Variants in PADI3 observed in about 807,000 individuals in gnomAD.
The protein encoded by PADI3 is peptidyl arginine deiminase 3, also known as protein-arginine deiminase type-3.
Under a neutral mutation model 71.5 loss-of-function variants are expected in PADI3, and 53 were observed. That is an observed-to-expected ratio of 0.74 (90% CI 0.59 to 0.93). The LOEUF (loss-of-function observed/expected upper bound fraction) is 0.93. PADI3 is among the 40% of genes least tolerant of loss of function. The pLI, the probability that PADI3 is intolerant of heterozygous loss-of-function variation, is 0.00. For missense variants in PADI3, 821 were observed against 868.0 expected (o/e 0.95, Z 0.68); for synonymous variants, 361 against 347.5 (o/e 1.04, Z -0.43).
chr1:17,252,639 A>G (rs897036599), intron 1 of PADI3, among the ~76,000 whole-genome samples: 1 of 152,068 alleles, frequency 6.6e-6, no homozygotes, highest in African/African-American at 2.4e-5. Context: ...CCTGGGCTCA[A>G]GTGATCTGCC....
intron 7 of PADI3, 72 bp downstream of exon 7, chr1:17,270,483 T>TAAA: frequency 2.6e-6 from 3 of 1,166,158 alleles, no homozygotes; most frequent in Non-Finnish European, 2.3e-6. Context: ...ACCCCATCTC[T>TAAA]ACAAAAAAAA....
chr1:17,270,843 G>A lies in PADI3; in HGVS notation c.832-36G>A, dbSNP rs2073237777. 6 of 1,509,674 alleles carry A rather than the reference G, an allele frequency of 4.0e-6. No homozygotes were observed. The African/African-American group carries it at 5.5e-5, about 14-fold the overall frequency. 93.5% of individuals were successfully genotyped at this position (1,509,674 alleles called of 1,614,324 possible). ...GTCCCCCCAGGCCTCTGGACTCCAA[G>A]TCCAGTGCTCTTTCTCCCCTGGTCT... On this transcript the variant is annotated intron_variant, in intron 7 of 15. Transcript: ENST00000375460.
rs748764264 is a variant in PADI3, at chr1:17,265,748, G to A, written c.408+28G>A. The A allele has an allele frequency of 7.5e-6, 12 of 1,602,674 alleles. No individual in the cohort carries two copies. The East Asian group carries it at 2.5e-4, about 33-fold the overall frequency. On this transcript the variant is annotated intron_variant, in intron 4 of 15. Transcript: ENST00000375460. ...AAGCATCTCTGCCTGGGCCCAGGAAGCAGGAGTGCAGTTGGAGCTTGCTCT... is the reference window on the plus strand; with the variant it reads ...AAGCATCTCTGCCTGGGCCCAGGAAACAGGAGTGCAGTTGGAGCTTGCTCT...
At chr1:17,251,452 C>T (rs558144206) in intron 1 of PADI3, among the ~76,000 whole-genome samples, 1 of 152,318 alleles carries the variant, frequency 6.6e-6, no homozygotes, top group African/African-American at 2.4e-5. Flanking sequence ...TGTTTCCTCA[C>T]CTGTTGCCTG....
intron 11 of PADI3, 53 bp downstream of exon 11, chr1:17,274,839 G>A: frequency 6.3e-7 from 1 of 1,576,328 alleles, no homozygotes; most frequent in Non-Finnish European, 8.7e-7. Context: ...AGGGTTGGGG[G>A]TGGTGATGAT....
At position 17,273,416 on chromosome 1, in the gene PADI3, A is replaced by C; in HGVS notation, c.1124A>C (p.Glu375Ala). 6.2e-7 allele frequency: 1 copy of C among 1,613,550 alleles called. No homozygotes were observed. Among genetic ancestry groups the C allele is most frequent in the Non-Finnish European group, 8.5e-7 (1 of 1,179,728 alleles). The stretch of plus-strand genomic sequence containing the variant: ...GTCTTTGACTCCCCAAGGAATGGGG[A>C]ACTGCAGGATTTCCCTTACAAAAGA... Reference protein sequence around the residue: ...PVVFDSPRNGELQDFPYKRIL... With the variant: ...PVVFDSPRNGALQDFPYKRIL... Residue 375 changes from glutamate (E) to alanine (A), a missense_variant, in exon 10 of 16, where the codon GAA becomes GCA. Transcript: ENST00000375460.
At chr1:17,281,363 TC>T (rs1409011848) in intron 15 of PADI3, among the ~76,000 whole-genome samples, 1 of 152,224 alleles carries the variant, frequency 6.6e-6, no homozygotes, top group Non-Finnish European at 1.5e-5. Flanking sequence ...GAACTGGAGA[TC>T]CAGGAAGTCT....
intron 11 of PADI3, 23 bp downstream of exon 11, chr1:17,274,809 A>G: frequency 6.2e-7 from 1 of 1,609,636 alleles, no homozygotes; most frequent in Non-Finnish European, 8.5e-7. Flanking sequence ...CAGGGAATGG[A>G]GTTCCTGGGG....
chr1:17,254,327 T>A (rs2073001239), intron 1 of PADI3, among the ~76,000 whole-genome samples: 1 of 152,200 alleles, frequency 6.6e-6, no homozygotes, highest in Non-Finnish European at 1.5e-5. Flanking sequence ...GGTCATCTTG[T>A]CAACCTTTCG....
chr1:17,249,100 T>C lies in PADI3; in HGVS notation c.-38T>C, dbSNP rs371179046. ...TCATCCTAAGGGGCCTCAGGGGCAG[T>C]GTTGGGGTTGGCGGCCACAGCTAAG... On this transcript the variant is annotated 5_prime_UTR_variant, in exon 1 of 16. Coordinates refer to ENST00000375460, the MANE Select transcript of PADI3 (RefSeq NM_016233.2). 7.0e-5 allele frequency: 109 copies of C among 1,561,228 alleles called. No homozygotes were observed. In the East Asian group the frequency reaches 8.1e-4, roughly 12 times the overall value.
intron 9 of PADI3, among the ~76,000 whole-genome samples, chr1:17,271,770 T>G: frequency 6.9e-6 from 1 of 144,966 alleles, no homozygotes; most frequent in Non-Finnish European, 1.5e-5. Context: ...ATCACCTGAG[T>G]TTAGGAAGGT....
chr1:17,280,279 T>G (rs1272923262), intron 13 of PADI3, 71 bp from the exon 14 acceptor site: 14 of 1,228,536 alleles, frequency 1.1e-5, no homozygotes, highest in Non-Finnish European at 1.7e-5. Context: ...CCTGCCTGTC[T>G]GCTTCCCTAA....
At chr1:17,255,341 T>C (rs2073014549) in intron 1 of PADI3, among the ~76,000 whole-genome samples, 1 of 152,176 alleles carries the variant, frequency 6.6e-6, no homozygotes, top group Admixed American at 6.5e-5. Flanking sequence ...AGCAGTTGAG[T>C]TCTCCGGCTG....
chr1:17,261,113 T>C (rs541971565), intron 2 of PADI3, among the ~76,000 whole-genome samples: 1 of 152,296 alleles, frequency 6.6e-6, no homozygotes, highest in African/African-American at 2.4e-5. Flanking sequence ...GAGTGGCCCC[T>C]GCAAGATCCT....
At chr1:17,267,139 C>T (rs116696181) in intron 5 of PADI3, among the ~76,000 whole-genome samples, 4 of 152,134 alleles carry the variant, frequency 2.6e-5, no homozygotes, top group African/African-American at 7.2e-5. Flanking sequence ...GTGTGCCAGG[C>T]CTTTTCCCCA....
chr1:17,269,113 G>A (rs1309626753), intron 6 of PADI3, among the ~76,000 whole-genome samples: 10 of 151,342 alleles, frequency 6.6e-5, no homozygotes. Flanking sequence ...GTGAACTCCT[G>A]GGCTCAAGCA....
At chr1:17,276,334 C>T (rs2073329684) in intron 11 of PADI3, among the ~76,000 whole-genome samples, 185 bp from the exon 12 acceptor site, 1 of 152,066 alleles carries the variant, frequency 6.6e-6, no homozygotes, top group South Asian at 2.1e-4. Context: ...GAGATTCCAT[C>T]TCAAAAATAA....
intron 2 of PADI3, among the ~76,000 whole-genome samples, chr1:17,259,983 C>A (rs2073083681): frequency 6.6e-6 from 1 of 152,202 alleles, no homozygotes; most frequent in Non-Finnish European, 1.5e-5. Context: ...TGTCTGCCAT[C>A]TGTAAAATGG....
intron 1 of PADI3, among the ~76,000 whole-genome samples, chr1:17,254,761 AG>A (rs2073008265): frequency 7.5e-6 from 1 of 133,296 alleles, no homozygotes; most frequent in South Asian, 2.4e-4. Context: ...CTTGTTGCCC[AG>A]GCTGGAGTGC....
Sources: gnomAD v4.1 joint callset for allele counts (sites outside exome capture counted in the v4.1 genomes callset) on GRCh38, gnomAD v4.1.1 for gene constraint, MANE v1.5 for transcripts, NCBI Gene and HGNC (gene_info 2026-07-23, HGNC 2026-07-21) for gene names.